GP6: variants seen among roughly 807,000 people sequenced by gnomAD.
GP6 encodes glycoprotein VI platelet, also known as platelet glycoprotein VI.
GP6 carries 45 observed loss-of-function variants against 37.3 expected under a neutral mutation model. The observed-to-expected ratio is 1.21, with a 90% CI of 0.95 to 1.55. The LOEUF is 1.55. Among genes scored for constraint, GP6 ranks in the 40% most tolerant of loss-of-function variants. GP6 has a pLI of 0.00. For missense variants in GP6, 813 were observed against 760.2 expected (o/e 1.07, Z -0.82); for synonymous variants, 340 against 316.4 (o/e 1.07, Z -0.79).
intron 3 of GP6, among the ~76,000 whole-genome samples, chr19:55,028,422 C>T (rs886174585): frequency 4.6e-5 from 7 of 152,140 alleles, no homozygotes; most frequent in African/African-American, 1.7e-4. Context: ...AGGCACATGG[C>T]ATTAAATAAT....
intron 3 of GP6, among the ~76,000 whole-genome samples, chr19:55,029,875 C>T (rs1163215352): frequency 6.6e-6 from 1 of 151,434 alleles, no homozygotes; most frequent in East Asian, 1.9e-4. Context: ...AGAGAGGAGG[C>T]CAGTGATGCT....
Position 55,025,276 on chromosome 19 carries a change from G to A in GP6, c.611-5C>T, listed in dbSNP as rs979996022. ...GGCTGGGGGTCACAGAGGTTCCTGG[G>A]AAATCAGAAAATGAGATAAATCTGT... On this transcript the variant is annotated splice_region_variant and splice_polypyrimidine_tract_variant and intron_variant, in intron 4 of 7. Transcript: ENST00000310373. 49 of 1,535,342 alleles carry A rather than the reference G, an allele frequency of 3.2e-5. No homozygotes were observed. Among genetic ancestry groups the A allele is most frequent in the Non-Finnish European group, 4.3e-5 (49 of 1,132,044 alleles).
Position 55,024,360 on chromosome 19 carries a change from A to ATGCACGCACACG in GP6, c.664+857_664+858insCGTGTGCGTGCA, listed in dbSNP as rs796633674. Among the ~76,000 whole-genome samples, 11 of 130,688 alleles carry ATGCACGCACACG rather than the reference A, an allele frequency of 8.4e-5. No individual in the cohort carries two copies. The South Asian group carries it at 1.1e-3, about 14-fold the overall frequency. 85.7% of individuals were successfully genotyped at this position (130,688 alleles called of 152,430 possible). On this transcript the variant is annotated intron_variant, in intron 5 of 7. Coordinates refer to ENST00000310373, the MANE Select transcript of GP6 (RefSeq NM_001083899.2). ...CACACACGCACATGCACGCACACAC[A>ATGCACGCACACG]CATATGCACGCACACAGTATGTGAC... is the stretch of plus-strand genomic sequence containing the variant.
intron 6 of GP6, among the ~76,000 whole-genome samples, chr19:55,018,183 G>A: frequency 6.6e-6 from 1 of 152,218 alleles, no homozygotes; most frequent in African/African-American, 2.4e-5. Flanking sequence ...TGTTTAGTCT[G>A]GAAGGAAATG....
chr19:55,035,840 C>T (rs1198891854), intron 1 of GP6, among the ~76,000 whole-genome samples: 2 of 151,662 alleles, frequency 1.3e-5, no homozygotes, highest in African/African-American at 2.4e-5. Context: ...TCTGGGAGGC[C>T]GAGGTGGGTG....
At chr19:55,025,316 G>C (rs79287667) in intron 4 of GP6, 45 bp from the exon 5 acceptor site, 2 of 1,233,392 alleles carry the variant, frequency 1.6e-6, no homozygotes, top group Admixed American at 2.0e-5. Flanking sequence ...TGTCGCTGTG[G>C]GTCCTGAACA....
intron 6 of GP6, among the ~76,000 whole-genome samples, chr19:55,018,261 TAGA>T (rs985473923): frequency 2.0e-5 from 3 of 152,160 alleles, no homozygotes; most frequent in African/African-American, 7.2e-5. Context: ...CTGGAGCGGT[TAGA>T]AGATGTGCTG....
At chr19:55,023,333 G>A (rs1187727048) in intron 5 of GP6, among the ~76,000 whole-genome samples, 1 of 152,212 alleles carries the variant, frequency 6.6e-6, no homozygotes, top group Non-Finnish European at 1.5e-5. Context: ...ATGTGATACA[G>A]TTTGAATATG....
At chr19:55,030,167 T>A (rs2074504956) in intron 3 of GP6, among the ~76,000 whole-genome samples, 2 of 148,294 alleles carry the variant, frequency 1.3e-5, no homozygotes, top group Non-Finnish European at 3.0e-5. Context: ...GCATCAGTGC[T>A]ATTTCCAAAA....
chr19:55,027,881 CTG>C lies in GP6; in HGVS notation c.326-21_326-20del, dbSNP rs774002057. On this transcript the variant is annotated intron_variant, in intron 3 of 7. Transcript: ENST00000310373. ...AAAACTCCTGGGAGAAAAAGAAAGT[CTG>C]ATGTTGAAGGCAGGAGCCAGCATCT... 14 of 1,613,582 alleles carry C rather than the reference CTG, an allele frequency of 8.7e-6. No homozygotes were observed. The highest frequency in any genetic ancestry group is 1.1e-5 in the Non-Finnish European group (13 of 1,179,670).
At chr19:55,021,948 G>A (rs974944797) in intron 5 of GP6, among the ~76,000 whole-genome samples, 1 of 151,924 alleles carries the variant, frequency 6.6e-6, no homozygotes, top group African/African-American at 2.4e-5. Flanking sequence ...CTGCATAAAC[G>A]TCTTCTTTTG....
In GP6 at chr19:55,033,229, TCG is replaced by T. The variant is rs2074667081; in HGVS notation, c.35-693_35-692del. ...GTTGTGTTAGACACGGTGGACTCGTTCGTGTTAGACACGGTGGACTCGTTCGT... is the reference window on the plus strand; with the variant it reads ...GTTGTGTTAGACACGGTGGACTCGTTTGTTAGACACGGTGGACTCGTTCGT... On this transcript the variant is annotated intron_variant, in intron 1 of 7. Transcript: ENST00000310373. 3.8e-5 allele frequency among the ~76,000 whole-genome samples: 4 copies of T among 105,768 alleles called. 1 individual carries two copies. Among genetic ancestry groups the T allele is most frequent in the Non-Finnish European group, 5.8e-5 (3 of 52,026 alleles). The allele number at this position is 105,768 out of a possible 152,430, so 69.4% of individuals were successfully genotyped here. A position where few individuals can be genotyped will look rare whatever the true frequency, so the allele number is the denominator to read the frequency against.
chr19:55,017,119 AT>A (rs11433534), intron 6 of GP6, among the ~76,000 whole-genome samples: 215 of 144,496 alleles, frequency 1.5e-3, no homozygotes, highest in African/African-American at 3.4e-3. Context: ...AAGTAAAGCG[AT>A]TTTTTTTTTT....
intron 5 of GP6, among the ~76,000 whole-genome samples, chr19:55,024,092 T>C (rs1258203844): frequency 2.0e-5 from 3 of 152,206 alleles, no homozygotes; most frequent in African/African-American, 7.2e-5. Context: ...TTTATGCCAA[T>C]GTCAAATTCC....
chr19:55,021,037 G>A (rs1367062068), intron 5 of GP6, among the ~76,000 whole-genome samples: 1 of 117,408 alleles, frequency 8.5e-6, no homozygotes, highest in African/African-American at 3.4e-5. Context: ...GGGTGACAGA[G>A]TGAGACTCTG....
intron 4 of GP6, among the ~76,000 whole-genome samples, chr19:55,026,661 C>T (rs1462679490): frequency 1.3e-5 from 2 of 152,044 alleles, no homozygotes; most frequent in African/African-American, 2.4e-5. Flanking sequence ...GAGGCCGAGG[C>T]GGGCAGATCA....
chr19:55,027,451 G>C (rs553382396), intron 4 of GP6, 127 bp downstream of exon 4: 150 of 676,046 alleles, frequency 2.2e-4, no homozygotes, highest in African/African-American at 2.0e-3. Flanking sequence ...TCCCACCTAC[G>C]GCCCCGCCCC....
intron 5 of GP6, among the ~76,000 whole-genome samples, chr19:55,020,362 C>G (rs1291203781): frequency 1.3e-5 from 2 of 151,934 alleles, no homozygotes; most frequent in African/African-American, 4.8e-5. Flanking sequence ...TTATCCTGAT[C>G]CTCTCCCTCC....
rs2073825544 is a variant in GP6 at position 55,015,181 on chromosome 19, GAGGCAGGA to G, written c.780-24_780-17del. 1 of 1,552,580 alleles carries G rather than the reference GAGGCAGGA, an allele frequency of 6.4e-7. No individual in the cohort carries two copies. Among genetic ancestry groups the G allele is most frequent in the Non-Finnish European group, 8.7e-7 (1 of 1,147,662 alleles). On this transcript the variant is annotated splice_polypyrimidine_tract_variant and intron_variant, in intron 7 of 7. Transcript: ENST00000310373. The stretch of plus-strand genomic sequence containing the variant: ...CGGGCAGGACCTGGAGGAATGAGGA[GAGGCAGGA>G]GCAGGTGAAAGAGCCCACCTCCAGG...
Sources: allele counts gnomAD v4.1 joint callset (sites outside exome capture counted in the v4.1 genomes callset), GRCh38; gene constraint gnomAD v4.1.1; transcripts MANE v1.5; gene names NCBI Gene and HGNC (gene_info 2026-07-23, HGNC 2026-07-21).